PADI3: variants seen among roughly 807,000 people sequenced by gnomAD.
PADI3 encodes peptidyl arginine deiminase 3, also known as protein-arginine deiminase type-3.
Under a neutral mutation model 71.5 loss-of-function variants are expected in PADI3, and 53 were observed. That is an observed-to-expected ratio of 0.74 (90% confidence interval 0.59 to 0.93). PADI3 has a LOEUF of 0.93. PADI3 is among the 40% of genes least tolerant of loss of function. The probability of loss-of-function intolerance (pLI) is 0.00; values close to 1 mark genes in which losing one functional copy is unlikely to be tolerated. For synonymous variants in PADI3, 361 were observed against 347.5 expected (o/e 1.04, Z -0.43); for missense variants, 821 against 868.0 (o/e 0.95, Z 0.68).
chr1:17,265,290 C>T (rs1426389304), intron 3 of PADI3, among the ~76,000 whole-genome samples: 1 of 152,130 alleles, frequency 6.6e-6, no homozygotes, highest in Non-Finnish European at 1.5e-5. Context: ...ATCTGTTTGA[C>T]ACCAAAGTCC....
At position 17,279,618 on chromosome 1, in the gene PADI3, G is replaced by A. The variant is rs1012048815; in HGVS notation, c.1556-732G>A. On this transcript the variant is annotated intron_variant, in intron 13 of 15. Transcript: ENST00000375460. The stretch of plus-strand genomic sequence containing the variant: ...ATCCTACCTGTGTGACCTTTGGCAA[G>A]TCTTCTGACCTCTCTGAGCCTCAGT... Among the ~76,000 whole-genome samples, 6 of 152,200 alleles carry A rather than the reference G, an allele frequency of 3.9e-5. 1 individual carries two copies. Among genetic ancestry groups the A allele is most frequent in the Non-Finnish European group, 8.8e-5 (6 of 68,036 alleles).
At chr1:17,262,315 T>TCTG in intron 3 of PADI3, 110 bp downstream of exon 3, 1 of 755,874 alleles carries the variant, frequency 1.3e-6, no homozygotes, top group East Asian at 3.0e-5. Context: ...AACTCAAGAC[T>TCTG]TCTAGTTCCC....
At chr1:17,272,088 C>A (rs886549670) in intron 9 of PADI3, among the ~76,000 whole-genome samples, 1 of 152,124 alleles carries the variant, frequency 6.6e-6, no homozygotes. Context: ...TCTTGATAAC[C>A]CCCTGTAAGT....
rs192878003 is a variant in PADI3 at position 17,274,459 on chromosome 1, C to T, written c.1156-176C>T. The stretch of plus-strand genomic sequence containing the variant: ...GCACTTCCCGACTTTGCCTGCTATG[C>T]GTGCATGAAATATTGACTGGGTCAG... On this transcript the variant is annotated intron_variant, in intron 10 of 15. Coordinates refer to ENST00000375460, the MANE Select transcript of PADI3 (RefSeq NM_016233.2). Among the ~76,000 whole-genome samples the T allele has an allele frequency of 5.7e-3, 866 of 152,322 alleles. 4 individuals are homozygous for T. The highest frequency in any genetic ancestry group is 8.6e-3 in the Non-Finnish European group (587 of 68,030).
Position 17,265,687 on chromosome 1 carries a change from T to C in PADI3, c.375T>C (p.Cys125=). ...TCTCTCTGGATTGCGACCTGAACTG[T>C]GAGGGAAGGCAGGACAGGAACTTTG... is the stretch of plus-strand genomic sequence containing the variant. The part of the protein sequence containing the change: ...VDISLDCDLN[C]EGRQDRNFVD... The change falls in exon 4 of 16, where the codon TGT becomes TGC. Residue 125 remains cysteine, a synonymous_variant. Transcript: ENST00000375460. The C allele has an allele frequency of 6.2e-7, 1 of 1,614,084 alleles. No homozygotes were observed. The highest frequency in any genetic ancestry group is 2.2e-5 in the East Asian group (1 of 44,878).
At chr1:17,272,314 G>T (rs930419417) in intron 9 of PADI3, among the ~76,000 whole-genome samples, 6 of 152,108 alleles carry the variant, frequency 3.9e-5, no homozygotes, top group Non-Finnish European at 7.4e-5. Flanking sequence ...AAGGGTTGAG[G>T]TCGGAGACCT....
intron 7 of PADI3, 61 bp from the exon 8 acceptor site, chr1:17,270,818 G>GT: frequency 8.9e-7 from 1 of 1,120,894 alleles, no homozygotes; most frequent in Non-Finnish European, 1.3e-6. Context: ...TGGAATCAGA[G>GT]TCCCCCCAGG....
intron 2 of PADI3, among the ~76,000 whole-genome samples, chr1:17,260,364 C>T (rs1034761790): frequency 1.3e-5 from 2 of 152,066 alleles, no homozygotes; most frequent in African/African-American, 4.8e-5. Context: ...ATGTTTGCTT[C>T]GAGGGCTGAT....
Position 17,267,817 on chromosome 1 carries a change from C to A in PADI3, c.527-20C>A. 1 of 1,612,398 alleles carries A rather than the reference C, an allele frequency of 6.2e-7. No individual in the cohort carries two copies. The highest frequency in any genetic ancestry group is 8.5e-7 in the Non-Finnish European group (1 of 1,179,938). On this transcript the variant is annotated intron_variant, in intron 5 of 15. Transcript: ENST00000375460. ...GGCCAGGACTCCCTTGAGTCACTAC[C>A]ACTCTGTCTGGCTTCACAGACCTGG... is the stretch of plus-strand genomic sequence containing the variant.
At chr1:17,280,929 C>T (rs760048641) in intron 15 of PADI3, 133 bp downstream of exon 15, 9 of 1,122,806 alleles carry the variant, frequency 8.0e-6, no homozygotes, top group Admixed American at 2.1e-5. Context: ...AATCAGGGGT[C>T]CTATGGTGCT....
chr1:17,254,458 G>A (rs957025726), intron 1 of PADI3, among the ~76,000 whole-genome samples: 8 of 152,308 alleles, frequency 5.3e-5, no homozygotes, highest in Non-Finnish European at 7.4e-5. Context: ...GTTTGCAGGC[G>A]AGTGGGGACA....
intron 15 of PADI3, among the ~76,000 whole-genome samples, 168 bp downstream of exon 15, chr1:17,280,964 G>C (rs1023978797): frequency 3.3e-5 from 5 of 152,220 alleles, no homozygotes; most frequent in Admixed American, 2.0e-4. Flanking sequence ...CTAGCTGGCT[G>C]ACCACCATGG....
chr1:17,276,953 G>T (rs2073342082), intron 13 of PADI3, 77 bp downstream of exon 13: 2 of 1,266,172 alleles, frequency 1.6e-6, no homozygotes, highest in Middle Eastern at 2.7e-4. Flanking sequence ...GGCTTGAGAG[G>T]GGGAGGGCAA....
rs2073227489 is a variant in PADI3, at chr1:17,270,254, C to A, written c.674C>A (p.Ala225Asp). The A allele has an allele frequency of 1.2e-6, 2 of 1,613,186 alleles. No individual in the cohort carries two copies. Among genetic ancestry groups the A allele is most frequent in the Non-Finnish European group, 1.7e-6 (2 of 1,179,484 alleles). ...HICGPEDVCE[A>D]YRHVLGQDKV... Reference sequence around the variant, plus strand: ...CCAGGTCCTGAGGATGTGTGTGAGGCCTATAGGCATGTGCTGGGCCAAGAT... The same window carrying A: ...CCAGGTCCTGAGGATGTGTGTGAGGACTATAGGCATGTGCTGGGCCAAGAT... Residue 225 changes from alanine to aspartate, a missense_variant, in exon 7 of 16, where the codon GCC (alanine) becomes GAC (aspartate). Ala to Asp is a moderately radical substitution (Grantham distance 126). Coordinates refer to ENST00000375460, the MANE Select transcript of PADI3 (RefSeq NM_016233.2).
intron 2 of PADI3, among the ~76,000 whole-genome samples, chr1:17,261,717 G>A (rs1311528339): frequency 6.6e-6 from 1 of 152,232 alleles, no homozygotes; most frequent in Non-Finnish European, 1.5e-5. Context: ...AGGTAGGTGA[G>A]AGGCCTTGGC....
chr1:17,264,747 A>G (rs1233147179), intron 3 of PADI3, among the ~76,000 whole-genome samples: 4 of 152,138 alleles, frequency 2.6e-5, no homozygotes, highest in African/African-American at 9.7e-5. Flanking sequence ...GTGGTGGCTC[A>G]TGCTTGTAAT....
rs1163111436 is a variant in PADI3, at chr1:17,283,067, C to A, written c.1983C>A (p.Asn661Lys). 6.2e-7 allele frequency: 1 copy of A among 1,613,762 alleles called. No homozygotes were observed. The highest frequency in any genetic ancestry group is 8.5e-7 in the Non-Finnish European group (1 of 1,179,666). Residue 661 changes from asparagine to lysine, a missense_variant, in exon 16 of 16, where the codon AAC becomes AAA. Physicochemically the swap from Asn to Lys is moderately conservative, Grantham distance 94. Coordinates refer to ENST00000375460, the MANE Select transcript of PADI3 (RefSeq NM_016233.2). ...CRKPFSFKWW[N>K]MVP ...AGCCCTTCTCTTTCAAGTGGTGGAACATGGTGCCCTGAGACAGCTCCCACC... is the reference window on the plus strand; with the variant it reads ...AGCCCTTCTCTTTCAAGTGGTGGAAAATGGTGCCCTGAGACAGCTCCCACC...
At chr1:17,253,027 G>A (rs2072985512) in intron 1 of PADI3, among the ~76,000 whole-genome samples, 1 of 152,234 alleles carries the variant, frequency 6.6e-6, no homozygotes, top group South Asian at 2.1e-4. Flanking sequence ...CCTGGAGTGT[G>A]AAATGACTTG....
rs148561129 is a variant in PADI3 at position 17,280,431 on chromosome 1, T to C, written c.1635+2T>C. 5.0e-6 allele frequency: 8 copies of C among 1,612,448 alleles called. No homozygotes were observed. Among genetic ancestry groups the C allele is most frequent in the African/African-American group, 1.3e-5 (1 of 74,874 alleles). On this transcript the variant is annotated splice_donor_variant, in intron 14 of 15. Transcript: ENST00000375460. LOFTEE classifies it high-confidence loss of function. ...ATCAACTACAATAAGTTTGTGCAGG[T>C]ACAAGGGCTGTGGTGTACCTGTGGG...
Sources: gnomAD v4.1 joint callset for allele counts (sites outside exome capture counted in the v4.1 genomes callset) on GRCh38, gnomAD v4.1.1 for gene constraint, MANE v1.5 for transcripts, NCBI Gene and HGNC (gene_info 2026-07-23, HGNC 2026-07-21) for gene names.